NALF1: variants seen among roughly 807,000 people sequenced by gnomAD.
NALF1 encodes the protein family with sequence similarity 155 member A.
NALF1 carries 3 observed loss-of-function variants against 48.4 expected under a neutral mutation model. That is an observed-to-expected ratio of 0.06 (90% CI 0.03 to 0.16). NALF1 has a LOEUF of 0.16. Ranked by LOEUF, NALF1 falls within the 10% of genes least tolerant of loss-of-function variation. NALF1 has a pLI of 1.00. For synonymous variants in NALF1, 262 were observed against 245.7 expected (o/e 1.07, Z -0.62); for missense variants, 526 against 571.5 (o/e 0.92, Z 0.81).
intron 1 of NALF1, among the ~76,000 whole-genome samples, chr13:107,649,830 C>T (rs188488758): frequency 8.5e-5 from 13 of 152,190 alleles, no homozygotes; most frequent in Admixed American, 4.6e-4. Flanking sequence ...GTGCTGTGTC[C>T]TGCAGTCTAT....
intron 1 of NALF1, among the ~76,000 whole-genome samples, chr13:107,801,571 T>C (rs1164680106): frequency 1.3e-5 from 2 of 152,160 alleles, no homozygotes. Flanking sequence ...ATGGAAAATA[T>C]AAATCAGTGC....
In NALF1 at chr13:107,581,613, T is replaced by C. The variant is rs372770699; in HGVS notation, c.915+284069A>G. On this transcript the variant is annotated intron_variant, in intron 1 of 2. Transcript: ENST00000375915. ...GAAGGAAACATCAATCTAGTTCTGG[T>C]TGGAACTAAGTTTTAATAAAACAAA... 5.3e-5 allele frequency among the ~76,000 whole-genome samples: 8 copies of C among 152,254 alleles called. No homozygotes were observed. The East Asian group carries it at 7.7e-4, about 15-fold the overall frequency.
intron 1 of NALF1, among the ~76,000 whole-genome samples, chr13:107,854,806 G>A (rs915378036): frequency 7.9e-5 from 12 of 151,490 alleles, no homozygotes; most frequent in Middle Eastern, 3.2e-3. Context: ...CCCGGGAGGC[G>A]GCGGTTGCAG....
intron 1 of NALF1, among the ~76,000 whole-genome samples, chr13:107,502,122 T>G (rs1875544984): frequency 6.6e-6 from 1 of 152,170 alleles, no homozygotes. Flanking sequence ...AAAAAAGAGA[T>G]TATACCCTTT....
intron 1 of NALF1, among the ~76,000 whole-genome samples, chr13:107,216,784 G>A (rs908607404): frequency 6.6e-6 from 1 of 152,130 alleles, no homozygotes; most frequent in East Asian, 1.9e-4. Flanking sequence ...CATTTATACA[G>A]GAGAGGGAAT....
intron 1 of NALF1, among the ~76,000 whole-genome samples, chr13:107,841,400 T>C (rs1880039160): frequency 6.6e-6 from 1 of 152,130 alleles, no homozygotes; most frequent in Admixed American, 6.6e-5. Context: ...TTTGGCACAT[T>C]TGATGACATG....
At chr13:107,310,448 A>C (rs990384202) in intron 1 of NALF1, among the ~76,000 whole-genome samples, 3 of 152,050 alleles carry the variant, frequency 2.0e-5, no homozygotes, top group Non-Finnish European at 2.9e-5. Flanking sequence ...AAAACATTGA[A>C]AAAATAAGTA....
intron 1 of NALF1, among the ~76,000 whole-genome samples, chr13:107,659,296 T>A (rs1880667828): frequency 6.6e-6 from 1 of 152,198 alleles, no homozygotes; most frequent in Non-Finnish European, 1.5e-5. Context: ...ATAATTTGCA[T>A]GTAATCTATT....
At chr13:107,405,544 C>A (rs1385240221) in intron 1 of NALF1, among the ~76,000 whole-genome samples, 1 of 151,992 alleles carries the variant, frequency 6.6e-6, no homozygotes, top group African/African-American at 2.4e-5. Context: ...TTTTGAGCAG[C>A]TAATCTTGGG....
At chr13:107,795,466 C>G (rs1878391933) in intron 1 of NALF1, among the ~76,000 whole-genome samples, 1 of 152,098 alleles carries the variant, frequency 6.6e-6, no homozygotes, top group South Asian at 2.1e-4. Context: ...TAAAGTTGTG[C>G]TTCCTCCTAG....
rs199609587 is a variant in NALF1 at position 107,866,217 on chromosome 13, G to A, written c.380C>T (p.Ser127Leu). 5 of 1,596,188 alleles carry A rather than the reference G, an allele frequency of 3.1e-6. No individual in the cohort carries two copies. In the East Asian group the frequency reaches 6.7e-5, roughly 21 times the overall value. Residue 127 changes from serine to leucine, a missense_variant, in exon 1 of 3, where the codon TCG becomes TTG. By Grantham distance (145) the Ser-to-Leu change is moderately radical. Around this residue, in one of 2 missense-constraint regions of NALF1, gnomAD observed 373 missense variants for 355.5 expected, o/e 1.05. Transcript: ENST00000375915. The surrounding 1 kb of genome is among the most constrained non-coding windows in gnomAD (Gnocchi z 4.4). The stretch of plus-strand genomic sequence containing the variant: ...CGGGGAGGGGGGCAGGGTGGGGGAC[G>A]AGGAGGCGGAGAGGAGTCTGTGTGC... ...AQAHRLLSAS[S>L]SPTLPPSPGD...
chr13:107,302,264 G>A (rs192882274), intron 1 of NALF1, among the ~76,000 whole-genome samples: 3 of 152,208 alleles, frequency 2.0e-5, no homozygotes, highest in East Asian at 3.9e-4. Context: ...GGACTTCCCA[G>A]CCTCCATAAC....
chr13:107,328,132 G>C (rs1175500939), intron 1 of NALF1, among the ~76,000 whole-genome samples: 2 of 151,962 alleles, frequency 1.3e-5, no homozygotes, highest in Admixed American at 6.6e-5. Context: ...TGCCCAGGCT[G>C]ATCCTGAGCT....
At chr13:107,771,233 T>C (rs1048297935) in intron 1 of NALF1, among the ~76,000 whole-genome samples, 11 of 144,242 alleles carry the variant, frequency 7.6e-5, no homozygotes, top group African/African-American at 2.9e-4. Flanking sequence ...TGGTTTGAGA[T>C]GTTATTTTAA....
At chr13:107,768,578 C>A (rs190305658) in intron 1 of NALF1, among the ~76,000 whole-genome samples, 1 of 152,052 alleles carries the variant, frequency 6.6e-6, no homozygotes, top group African/African-American at 2.4e-5. Context: ...GAATCATTCT[C>A]GGAATAACTT....
chr13:107,798,923 A>G (rs780297113), intron 1 of NALF1, among the ~76,000 whole-genome samples: 8 of 152,216 alleles, frequency 5.3e-5, no homozygotes, highest in Non-Finnish European at 1.2e-4. Flanking sequence ...TTGAGCACCT[A>G]TATATGTCAG....
chr13:107,434,207 G>A (rs1330025836), intron 1 of NALF1, among the ~76,000 whole-genome samples: 1 of 152,132 alleles, frequency 6.6e-6, no homozygotes, highest in Non-Finnish European at 1.5e-5. Context: ...CCATTATTGT[G>A]TTAAAATGCA....
intron 1 of NALF1, among the ~76,000 whole-genome samples, chr13:107,598,843 T>C (rs538270386): frequency 1.3e-5 from 2 of 152,268 alleles, no homozygotes; most frequent in African/African-American, 4.8e-5. Flanking sequence ...TTACTTACTC[T>C]AGCTTATTTT....
intron 1 of NALF1, among the ~76,000 whole-genome samples, chr13:107,713,303 G>A (rs1875657958): frequency 6.6e-6 from 1 of 152,122 alleles, no homozygotes; most frequent in Non-Finnish European, 1.5e-5. Context: ...TCATATACTT[G>A]GGCATTGTTC....
Sources: allele counts gnomAD v4.1 joint callset (sites outside exome capture counted in the v4.1 genomes callset), GRCh38; gene constraint gnomAD v4.1.1; regional missense constraint gnomAD v4.1.1; non-coding constraint Gnocchi (gnomAD v3.1); transcripts MANE v1.5; gene names NCBI Gene and HGNC (gene_info 2026-07-23, HGNC 2026-07-21).